SLC12A6: variants seen among roughly 807,000 people sequenced by gnomAD.
SLC12A6 encodes the protein solute carrier family 12 member 6.
Under a neutral mutation model 135.3 loss-of-function variants are expected in SLC12A6, and 66 were observed. That is an observed-to-expected ratio of 0.49 (90% CI 0.40 to 0.60). SLC12A6 has a LOEUF of 0.60. SLC12A6 is among the 20% of genes least tolerant of loss of function. The pLI is 0.00. For synonymous variants in SLC12A6, 513 were observed against 508.8 expected, an observed-to-expected ratio of 1.01 and a Z score of -0.11; for missense variants, 1,058 against 1,452.3, an observed-to-expected ratio of 0.73 and a Z score of 4.41.
At chr15:34,271,130 A>G (rs191413975) in intron 3 of SLC12A6, among the ~76,000 whole-genome samples, 18 of 152,300 alleles carry the variant, frequency 1.2e-4, no homozygotes, top group Admixed American at 3.9e-4. Flanking sequence ...CAGCCAAACC[A>G]TATCAGGTAT....
intron 2 of SLC12A6, among the ~76,000 whole-genome samples, chr15:34,296,038 C>T (rs893225656): frequency 2.6e-5 from 4 of 152,116 alleles, no homozygotes; most frequent in Non-Finnish European, 5.9e-5. Context: ...TGTTGTGATA[C>T]AATTATTTAT....
intron 2 of SLC12A6, among the ~76,000 whole-genome samples, chr15:34,323,081 A>ACC (rs1349879433): frequency 1.3e-5 from 2 of 151,880 alleles, no homozygotes; most frequent in African/African-American, 2.4e-5. Context: ...TATGAAAATG[A>ACC]ATAGGCAAGT....
At chr15:34,264,960 G>C (rs980955385) in intron 3 of SLC12A6, among the ~76,000 whole-genome samples, 4 of 152,184 alleles carry the variant, frequency 2.6e-5, no homozygotes, top group African/African-American at 9.6e-5. Flanking sequence ...ACTTTAGGAG[G>C]CCGAGGCGGG....
chr15:34,319,266 G>C (rs1379662941), intron 2 of SLC12A6, among the ~76,000 whole-genome samples: 1 of 151,486 alleles, frequency 6.6e-6, no homozygotes, highest in Non-Finnish European at 1.5e-5. Context: ...CTCACGAGTA[G>C]CTGGGACTAC....
intron 2 of SLC12A6, among the ~76,000 whole-genome samples, chr15:34,320,917 A>AAATAC (rs1414699291): frequency 7.0e-6 from 1 of 143,590 alleles, no homozygotes; most frequent in Admixed American, 6.8e-5. Context: ...CAAAAAAAAT[A>AAATAC]AATACAATAA....
chr15:34,277,489 G>A (rs1595482976), intron 2 of SLC12A6, among the ~76,000 whole-genome samples: 1 of 151,914 alleles, frequency 6.6e-6, no homozygotes, highest in South Asian at 2.1e-4. Flanking sequence ...AAGTAGGAAT[G>A]TTCTTGCACA....
At chr15:34,302,017 ATTAAG>A (rs1399152077) in intron 2 of SLC12A6, among the ~76,000 whole-genome samples, 9 of 152,256 alleles carry the variant, frequency 5.9e-5, no homozygotes, top group African/African-American at 1.9e-4. Flanking sequence ...AATACATTAG[ATTAAG>A]TTGTGTTGAA....
intron 20 of SLC12A6, 39 bp downstream of exon 20, chr15:34,238,926 G>C (rs369674686): frequency 6.5e-7 from 1 of 1,530,024 alleles, no homozygotes; most frequent in Middle Eastern, 1.7e-4. Flanking sequence ...ATATACCCTC[G>C]ACTTGGGCCT....
rs1475977169 is a variant in SLC12A6 at position 34,232,711 on chromosome 15, A to G, written c.*1170T>C. ...TTGTAGATGAGGCAAAAGATTTCTT[A>G]GTGGTAAAATTTCTTCAACAGGTCA... On this transcript the variant is annotated 3_prime_UTR_variant, in exon 26 of 26. Transcript: ENST00000354181. 6.6e-6 allele frequency: 1 copy of G among 152,662 alleles called. No individual in the cohort carries two copies. Among genetic ancestry groups the G allele is most frequent in the Non-Finnish European group, 1.5e-5 (1 of 68,046 alleles). The allele number at this position is 152,662 out of a possible 1,614,324, so 9.5% of individuals were successfully genotyped here. A position where few individuals can be genotyped will look rare whatever the true frequency, so the allele number is the denominator to read the frequency against.
chr15:34,276,635 G>C (rs1257500311), intron 2 of SLC12A6, among the ~76,000 whole-genome samples: 2 of 152,070 alleles, frequency 1.3e-5, no homozygotes, highest in Non-Finnish European at 2.9e-5. Flanking sequence ...GGGTTTATGT[G>C]AACAATGGGA....
intron 2 of SLC12A6, among the ~76,000 whole-genome samples, chr15:34,297,152 G>A (rs1302076924): frequency 6.6e-6 from 1 of 152,096 alleles, no homozygotes; most frequent in Non-Finnish European, 1.5e-5. Context: ...TTCAAATGTT[G>A]CTAATCTCTT....
At chr15:34,317,128 C>T (rs1888705489) in intron 2 of SLC12A6, among the ~76,000 whole-genome samples, 1 of 152,212 alleles carries the variant, frequency 6.6e-6, no homozygotes, top group Admixed American at 6.5e-5. Context: ...GCAGATTAAA[C>T]TTGCTTTCCA....
In SLC12A6 at chr15:34,232,039, T is replaced by C. The variant is rs1437416759; in HGVS notation, c.*1842A>G. 1.3e-5 allele frequency: 2 copies of C among 152,174 alleles called. No homozygotes were observed. Among genetic ancestry groups the C allele is most frequent in the African/African-American group, 4.8e-5 (2 of 41,442 alleles). The allele number at this position is 152,174 out of a possible 1,614,324, so 9.4% of individuals were successfully genotyped here. A position where few individuals can be genotyped will look rare whatever the true frequency, so the allele number is the denominator to read the frequency against. ...ACTATTTATGACTAATAAATTGAAA[T>C]TCAAAAACAGCCATGAATACAGGCA... is the stretch of plus-strand genomic sequence containing the variant. On this transcript the variant is annotated 3_prime_UTR_variant, in exon 26 of 26. Coordinates refer to ENST00000354181, the MANE Select transcript of SLC12A6 (RefSeq NM_001365088.1).
intron 4 of SLC12A6, among the ~76,000 whole-genome samples, chr15:34,259,585 G>T (rs1326222714): frequency 6.6e-6 from 1 of 152,184 alleles, no homozygotes; most frequent in Non-Finnish European, 1.5e-5. Context: ...AGGAGGTCAA[G>T]CTGTGATCGT....
intron 13 of SLC12A6, among the ~76,000 whole-genome samples, chr15:34,247,520 GA>G (rs574135788): frequency 1.4e-3 from 198 of 144,608 alleles, no homozygotes; most frequent in Non-Finnish European, 1.3e-3. Context: ...CCATCTAGGG[GA>G]AAAAAAAAAA....
chr15:34,261,002 G>A lies in SLC12A6; in HGVS notation c.335C>T (p.Ala112Val). 6.4e-7 allele frequency: 1 copy of A among 1,563,634 alleles called. No individual in the cohort carries two copies. The highest frequency in any genetic ancestry group is 8.8e-7 in the Non-Finnish European group (1 of 1,134,330). Residue 112 changes from alanine (A) to valine (V), a missense_variant, in exon 4 of 26, where the codon GCT becomes GTT. Around this residue, in one of 6 missense-constraint regions of SLC12A6, gnomAD observed 176 missense variants for 168.9 expected, o/e 1.04. Transcript: ENST00000354181. ...GGAATTATTGAGATAAGCATTTCGA[G>A]CTTTCTTATGTCCGTCGTCTGGAAA... ...SQLLDDGHKK[A>V]RNAYLNNSNY...
chr15:34,248,671 A>G (rs1595426602), intron 13 of SLC12A6, among the ~76,000 whole-genome samples: 1 of 152,052 alleles, frequency 6.6e-6, no homozygotes, highest in East Asian at 1.9e-4. Flanking sequence ...TTAGGCTTCG[A>G]GTCCTCAAAG....
chr15:34,257,514 A>AATTTTTT, intron 6 of SLC12A6, 128 bp downstream of exon 6: 1 of 747,800 alleles, frequency 1.3e-6, no homozygotes, highest in East Asian at 2.6e-5. Flanking sequence ...TATCAGAATA[A>AATTTTTT]TTTCTTCTGT....
chr15:34,330,410 C>T (rs906260842), intron 2 of SLC12A6, among the ~76,000 whole-genome samples: 1 of 152,108 alleles, frequency 6.6e-6, no homozygotes, highest in South Asian at 2.1e-4. Flanking sequence ...CGGTGGCTCA[C>T]GCCTGTAATC....
Sources: gnomAD v4.1 joint callset for allele counts (sites outside exome capture counted in the v4.1 genomes callset) on GRCh38, gnomAD v4.1.1 for gene constraint, gnomAD v4.1.1 regional missense constraint, MANE v1.5 for transcripts, NCBI Gene and HGNC (gene_info 2026-07-23, HGNC 2026-07-21) for gene names.